Variants in PAK5 observed in about 807,000 individuals in gnomAD.
PAK5 encodes p21 (RAC1) activated kinase 5, also known as serine/threonine-protein kinase PAK 5.
Under a neutral mutation model 65.9 loss-of-function variants are expected in PAK5, and 16 were observed. That is an observed-to-expected ratio of 0.24 (90% CI 0.16 to 0.37). The LOEUF is 0.37. Among genes scored for constraint, PAK5 ranks in the 10% least tolerant of loss-of-function variants. PAK5 has a pLI of 1.00. For synonymous variants in PAK5, 371 were observed against 354.9 expected, an observed-to-expected ratio of 1.05 and a Z score of -0.51; for missense variants, 785 against 903.9, an observed-to-expected ratio of 0.87 and a Z score of 1.69.
chr20:9,574,829 A>C (rs2045858039), intron 4 of PAK5, among the ~76,000 whole-genome samples: 1 of 152,206 alleles, frequency 6.6e-6, no homozygotes, highest in Admixed American at 6.5e-5. Flanking sequence ...TTGTTATATT[A>C]AGTGATCAAG....
intron 3 of PAK5, among the ~76,000 whole-genome samples, chr20:9,638,235 T>G (rs1303530453): frequency 2.0e-5 from 3 of 152,260 alleles, no homozygotes; most frequent in African/African-American, 7.2e-5. Flanking sequence ...ATATTGCTTA[T>G]GATGTTCTCA....
intron 1 of PAK5, among the ~76,000 whole-genome samples, chr20:9,735,043 A>G (rs899598648): frequency 4.6e-5 from 7 of 152,240 alleles, no homozygotes; most frequent in Non-Finnish European, 7.3e-5. Context: ...TATGTGCTTT[A>G]AAGATCAGAT....
At chr20:9,630,676 CAT>C (rs1472247669) in intron 3 of PAK5, among the ~76,000 whole-genome samples, 2 of 152,212 alleles carry the variant, frequency 1.3e-5, no homozygotes, top group African/African-American at 4.8e-5. Flanking sequence ...AGGATGCAAA[CAT>C]GTGCTGCCTT....
chr20:9,760,084 T>C (rs2048681132), intron 1 of PAK5, among the ~76,000 whole-genome samples: 1 of 152,182 alleles, frequency 6.6e-6, no homozygotes, highest in African/African-American at 2.4e-5. Context: ...CCTTCCCATG[T>C]GATGTTATTG....
chr20:9,679,091 C>T (rs900927540), intron 2 of PAK5, among the ~76,000 whole-genome samples: 6 of 152,306 alleles, frequency 3.9e-5, no homozygotes, highest in African/African-American at 1.2e-4. Context: ...TCAGTCTCCT[C>T]AGCATAAAGC....
At chr20:9,700,143 G>A (rs1010175745) in intron 2 of PAK5, among the ~76,000 whole-genome samples, 13 of 152,080 alleles carry the variant, frequency 8.5e-5, no homozygotes, top group African/African-American at 2.7e-4. Context: ...CAGGCACAGC[G>A]GCTCACACCT....
At chr20:9,710,604 C>T (rs144741378) in intron 2 of PAK5, among the ~76,000 whole-genome samples, 25 of 152,242 alleles carry the variant, frequency 1.6e-4, no homozygotes, top group East Asian at 5.8e-4. Context: ...GAGCACCCTG[C>T]GTGGGGGGTA....
intron 1 of PAK5, among the ~76,000 whole-genome samples, chr20:9,774,853 G>A (rs923520995): frequency 3.9e-5 from 6 of 152,148 alleles, no homozygotes; most frequent in Admixed American, 2.0e-4. Flanking sequence ...CTACTCGGGA[G>A]GTTGAGGCAG....
intron 3 of PAK5, among the ~76,000 whole-genome samples, chr20:9,590,452 G>T (rs1037615577): frequency 1.3e-5 from 2 of 152,072 alleles, no homozygotes; most frequent in Non-Finnish European, 2.9e-5. Flanking sequence ...CTGGATTTGT[G>T]CACCACAATG....
chr20:9,745,333 A>G (rs1237803061), intron 1 of PAK5, among the ~76,000 whole-genome samples: 2 of 151,838 alleles, frequency 1.3e-5, no homozygotes, highest in Non-Finnish European at 2.9e-5. Context: ...CTTTTAATAT[A>G]TGAATCACAT....
chr20:9,619,979 C>A (rs1398720778), intron 3 of PAK5, among the ~76,000 whole-genome samples: 1 of 152,200 alleles, frequency 6.6e-6, no homozygotes, highest in Non-Finnish European at 1.5e-5. Context: ...TTTCCATCAT[C>A]TCAGCCACCT....
chr20:9,675,496 T>G (rs2047557818), intron 2 of PAK5, among the ~76,000 whole-genome samples: 2 of 151,986 alleles, frequency 1.3e-5, no homozygotes, highest in African/African-American at 4.8e-5. Flanking sequence ...ATAATTAATT[T>G]TATTTATTTA....
rs754468025 is a variant in PAK5 at position 9,566,030 on chromosome 20, A to T, written c.1345T>A (p.Leu449Met). 2 of 1,613,618 alleles carry T rather than the reference A, an allele frequency of 1.2e-6. No homozygotes were observed. The highest frequency in any genetic ancestry group is 1.7e-6 in the Non-Finnish European group (2 of 1,179,938). Reference sequence around the variant, plus strand: ...TCCCCGATTTTGATAAAGTTGGCCAAGTATTCCCTGGGGTCTCCTGGGCTG... The same window carrying T: ...TCCCCGATTTTGATAAAGTTGGCCATGTATTCCCTGGGGTCTCCTGGGCTG... ...VVSPGDPREY[L>M]ANFIKIGEGS... The change falls in exon 5 of 10, where the codon TTG (leucine) becomes ATG (methionine). Residue 449 changes from leucine to methionine, a missense_variant. Coordinates refer to ENST00000353224, the MANE Select transcript of PAK5 (RefSeq NM_177990.4).
intron 9 of PAK5, among the ~76,000 whole-genome samples, chr20:9,540,592 C>T (rs1013722710): frequency 6.6e-6 from 1 of 152,184 alleles, no homozygotes; most frequent in African/African-American, 2.4e-5. Flanking sequence ...AATTATACCA[C>T]ACATTATCCA....
chr20:9,694,926 T>C (rs1192469967), intron 2 of PAK5, among the ~76,000 whole-genome samples: 1 of 152,068 alleles, frequency 6.6e-6, no homozygotes, highest in Non-Finnish European at 1.5e-5. Flanking sequence ...AAGAGTAGCA[T>C]TGCTGTGTCA....
chr20:9,740,962 A>C (rs2048444676), intron 1 of PAK5, among the ~76,000 whole-genome samples: 1 of 152,198 alleles, frequency 6.6e-6, no homozygotes, highest in South Asian at 2.1e-4. Flanking sequence ...AGCCTTCTGC[A>C]ACTGAACCAA....
chr20:9,615,072 A>C (rs1266631873), intron 3 of PAK5, among the ~76,000 whole-genome samples: 1 of 152,236 alleles, frequency 6.6e-6, no homozygotes, highest in Non-Finnish European at 1.5e-5. Flanking sequence ...AAAGAAGCCA[A>C]TCTGAGAAAA....
chr20:9,538,369 G>A lies in PAK5; in HGVS notation c.*1093C>T, dbSNP rs534309685. ...TAGCGATTAATACTGTGGTACAAAG[G>A]TAAATATAGACAAGAGTTTGGTGTG... On this transcript the variant is annotated 3_prime_UTR_variant, in exon 10 of 10. Transcript: ENST00000353224. 4.3e-6 allele frequency: 1 copy of A among 233,616 alleles called. No individual in the cohort carries two copies. Among genetic ancestry groups the A allele is most frequent in the East Asian group, 6.0e-5 (1 of 16,548 alleles). The allele number at this position is 233,616 out of a possible 1,614,324, so 14.5% of individuals were successfully genotyped here.
rs1241797668 is a variant in PAK5 at position 9,838,719 on chromosome 20, G to T, written c.-162+43C>A. ...CATCCCCGCAGGCGCCTCTCCTCTC[G>T]CCGATACCCACCCAGGCAGTCCCGA... On this transcript the variant is annotated intron_variant, in intron 1 of 9. Coordinates refer to ENST00000353224, the MANE Select transcript of PAK5 (RefSeq NM_177990.4). This position sits in a 1 kb window ranked among gnomAD's most constrained non-coding sequence, Gnocchi z 4.5. 6.6e-6 allele frequency: 1 copy of T among 152,254 alleles called. No individual in the cohort carries two copies. The highest frequency in any genetic ancestry group is 1.5e-5 in the Non-Finnish European group (1 of 68,138). The allele number at this position is 152,254 out of a possible 1,614,324, so 9.4% of individuals were successfully genotyped here.
Sources: allele counts gnomAD v4.1 joint callset (sites outside exome capture counted in the v4.1 genomes callset), GRCh38; gene constraint gnomAD v4.1.1; non-coding constraint Gnocchi (gnomAD v3.1); transcripts MANE v1.5; gene names NCBI Gene and HGNC (gene_info 2026-07-23, HGNC 2026-07-21).